RIC1: variants seen among roughly 807,000 people sequenced by gnomAD.
RIC1 encodes the protein RIC1 partner of RAB6A GEF complex.
RIC1 carries 88 observed loss-of-function variants against 169.0 expected under a neutral mutation model. That is an observed-to-expected ratio of 0.52 (90% CI 0.44 to 0.62). The LOEUF is 0.62. RIC1 is among the 20% of genes least tolerant of loss of function. The probability of loss-of-function intolerance (pLI) is 0.00; values close to 1 mark genes in which losing one functional copy is unlikely to be tolerated. For synonymous variants in RIC1, 790 were observed against 601.5 expected (o/e 1.31, Z -4.59); for missense variants, 1,877 against 1,725.5 (o/e 1.09, Z -1.56).
chr9:5,676,426 C>T (rs150465353), intron 2 of RIC1, among the ~76,000 whole-genome samples: 1 of 152,200 alleles, frequency 6.6e-6, no homozygotes, highest in East Asian at 1.9e-4. Flanking sequence ...TGTTGTAGTG[C>T]TTTATGTGTA....
chr9:5,636,752 GT>G, intron 1 of RIC1, among the ~76,000 whole-genome samples: 1 of 151,944 alleles, frequency 6.6e-6, no homozygotes, highest in East Asian at 1.9e-4. Context: ...TGGTTTTTAG[GT>G]TTTTCTAAAT....
chr9:5,694,365 T>C lies in RIC1; in HGVS notation c.332+4327T>C, dbSNP rs189214355. ...CTAGAGAGGAACTTTAGCCACTTTT[T>C]CCCCGTATTTCTAATAATAAACCTT... On this transcript the variant is annotated intron_variant, in intron 3 of 25. Coordinates refer to ENST00000414202, the MANE Select transcript of RIC1 (RefSeq NM_020829.4). Among the ~76,000 whole-genome samples, 14 of 152,300 alleles carry C rather than the reference T, an allele frequency of 9.2e-5. No homozygotes were observed. The Middle Eastern group carries it at 0.01, about 111-fold the overall frequency.
chr9:5,738,321 T>C, intron 7 of RIC1, 129 bp from the exon 8 acceptor site: 1 of 642,506 alleles, frequency 1.6e-6, no homozygotes, highest in Non-Finnish European at 2.7e-6. Flanking sequence ...ATGAGATGAC[T>C]GCAACTTATT....
Position 5,746,079 on chromosome 9 carries a change from G to C in RIC1, c.1244G>C (p.Cys415Ser). Residue 415 changes from cysteine (C) to serine (S), a missense_variant, in exon 11 of 26, where the codon TGT becomes TCT. Physicochemically the swap from Cys to Ser is moderately radical, Grantham distance 112. This residue lies in a region of RIC1 where 1,104 missense variants were observed against 992.0 expected (regional missense o/e 1.11). Transcript: ENST00000414202. ...FIKSVLTVNP[C>S]MSNQEQVLLQ... ...AAGAGTGTACTCACTGTAAACCCTT[G>C]TATGGTAAGTATATTTAAAGCTCTG... is the stretch of plus-strand genomic sequence containing the variant. The C allele has an allele frequency of 6.2e-7, 1 of 1,607,100 alleles. No individual in the cohort carries two copies. The highest frequency in any genetic ancestry group is 8.5e-7 in the Non-Finnish European group (1 of 1,175,104).
rs183516489 is a variant in RIC1 at position 5,762,758 on chromosome 9, G to C, written c.2112+98G>C. On this transcript the variant is annotated intron_variant, in intron 18 of 25. Coordinates refer to ENST00000414202, the MANE Select transcript of RIC1 (RefSeq NM_020829.4). Reference sequence around the variant, plus strand: ...TTAAGAGAAGAGTATTTTATGATTTGGAAAGGAGAAATTAAGTCCATAAAA... The same window carrying C: ...TTAAGAGAAGAGTATTTTATGATTTCGAAAGGAGAAATTAAGTCCATAAAA... The C allele has an allele frequency of 1.6e-5, 22 of 1,418,038 alleles. No homozygotes were observed. In the East Asian group the frequency reaches 5.2e-4, roughly 34 times the overall value. 87.8% of individuals were successfully genotyped at this position (1,418,038 alleles called of 1,614,324 possible).
At chr9:5,693,607 T>C (rs1821714696) in intron 3 of RIC1, among the ~76,000 whole-genome samples, 1 of 152,206 alleles carries the variant, frequency 6.6e-6, no homozygotes, top group Non-Finnish European at 1.5e-5. Context: ...CTGGACATTT[T>C]ATTTTATGGC....
intron 8 of RIC1, among the ~76,000 whole-genome samples, chr9:5,739,445 A>C (rs1245345637): frequency 6.6e-6 from 1 of 151,698 alleles, no homozygotes; most frequent in Middle Eastern, 3.2e-3. Context: ...TCCCATGCCT[A>C]CTCTCCAGAT....
At chr9:5,672,184 G>C (rs1006308401) in intron 2 of RIC1, among the ~76,000 whole-genome samples, 1 of 152,178 alleles carries the variant, frequency 6.6e-6, no homozygotes, top group Non-Finnish European at 1.5e-5. Flanking sequence ...CTGTAGGTTT[G>C]CATTGCCAGA....
At chr9:5,748,745 A>G (rs1210186045) in intron 12 of RIC1, 1 of 152,642 alleles carries the variant, frequency 6.6e-6, no homozygotes, top group East Asian at 1.9e-4. Flanking sequence ...TCGATCAGGC[A>G]ATAACAAAAA....
At chr9:5,686,777 T>C (rs571342420) in intron 2 of RIC1, among the ~76,000 whole-genome samples, 1 of 149,790 alleles carries the variant, frequency 6.7e-6, no homozygotes, top group Admixed American at 6.6e-5. Flanking sequence ...TAAAGTATAA[T>C]AATAAAAAAA....
chr9:5,732,323 TTA>T, intron 6 of RIC1, 63 bp from the exon 7 acceptor site: 1 of 1,227,032 alleles, frequency 8.1e-7, no homozygotes, highest in Non-Finnish European at 1.2e-6. Flanking sequence ...TGAAGGAGAA[TTA>T]TATTGACTAC....
chr9:5,766,292 C>T (rs1386791946), intron 21 of RIC1, among the ~76,000 whole-genome samples: 1 of 152,194 alleles, frequency 6.6e-6, no homozygotes, highest in Non-Finnish European at 1.5e-5. Context: ...CCACCTGCCT[C>T]TGCTTCCCAA....
intron 1 of RIC1, 21 bp from the exon 2 acceptor site, chr9:5,656,558 CTTTT>C (rs74333480): frequency 1.0e-5 from 10 of 958,602 alleles, no homozygotes; most frequent in Admixed American, 2.8e-5. Flanking sequence ...AAAAATACAA[CTTTT>C]TTTTTTTTTT....
At chr9:5,749,346 G>C (rs778024689) in intron 12 of RIC1, among the ~76,000 whole-genome samples, 1 of 152,158 alleles carries the variant, frequency 6.6e-6, no homozygotes, top group Admixed American at 6.5e-5. Flanking sequence ...TTATGGTGGC[G>C]GTGTATAGGG....
chr9:5,657,058 A>G (rs1290674253), intron 2 of RIC1, among the ~76,000 whole-genome samples: 2 of 152,014 alleles, frequency 1.3e-5, no homozygotes, highest in Admixed American at 1.3e-4. Context: ...TAAACATAGC[A>G]CCTATATCCT....
At chr9:5,644,853 CTG>C (rs34336776) in intron 1 of RIC1, among the ~76,000 whole-genome samples, 44,877 of 151,860 alleles carry the variant, frequency 0.3, 7,670 homozygotes, top group East Asian at 0.58. Context: ...TCCAAAGTGA[CTG>C]TAGCATTTTA....
intron 3 of RIC1, among the ~76,000 whole-genome samples, chr9:5,705,192 G>GT (rs35035828): frequency 0.45 from 50,779 of 112,670 alleles, 10,506 homozygotes; most frequent in East Asian, 0.6. Context: ...TCCCATTTCT[G>GT]TTTTTTTTTT....
At chr9:5,777,351 A>G (rs911486530), downstream of RIC1, among the ~76,000 whole-genome samples, 5 of 148,530 alleles carry the variant, frequency 3.4e-5, no homozygotes, top group African/African-American at 1.2e-4. Flanking sequence ...GAAGGGGAGG[A>G]TCTAATTCCA....
chr9:5,672,409 C>T (rs938513964), intron 2 of RIC1, among the ~76,000 whole-genome samples: 1 of 152,090 alleles, frequency 6.6e-6, no homozygotes, highest in Non-Finnish European at 1.5e-5. Flanking sequence ...AGAACATAAT[C>T]AGGATTTTTC....
Sources: allele counts gnomAD v4.1 joint callset (sites outside exome capture counted in the v4.1 genomes callset), GRCh38; gene constraint gnomAD v4.1.1; regional missense constraint gnomAD v4.1.1; transcripts MANE v1.5; gene names NCBI Gene and HGNC (gene_info 2026-07-23, HGNC 2026-07-21).